RBFOX1: variants seen among roughly 807,000 people sequenced by gnomAD.
The protein encoded by RBFOX1 is RNA binding fox-1 homolog 1.
A neutral mutation model predicts 57.7 loss-of-function variants in RBFOX1; 8 were observed. That is an observed-to-expected ratio of 0.14 (90% CI 0.08 to 0.25). The LOEUF (loss-of-function observed/expected upper bound fraction) is 0.25, where lower values mean the gene tolerates loss of function less well. Ranked by LOEUF, RBFOX1 falls within the 10% of genes least tolerant of loss-of-function variation. The pLI, the probability that RBFOX1 is intolerant of heterozygous loss-of-function variation, is 1.00. For synonymous variants in RBFOX1, 326 were observed against 222.4 expected (o/e 1.47, Z -4.15); for missense variants, 611 against 548.5 (o/e 1.11, Z -1.14).
intron 1 of RBFOX1, among the ~76,000 whole-genome samples, chr16:5,325,860 G>T (rs1452211934): frequency 1.3e-5 from 2 of 152,070 alleles, no homozygotes; most frequent in African/African-American, 4.8e-5. Context: ...TCCGTTTTTG[G>T]CAATTTGAAA....
At chr16:6,702,608 G>C (rs114877886) in intron 3 of RBFOX1, among the ~76,000 whole-genome samples, 1 of 151,818 alleles carries the variant, frequency 6.6e-6, no homozygotes, top group African/African-American at 2.4e-5. Flanking sequence ...TTCCCAAAAA[G>C]TTCTGCTGAA....
At chr16:6,188,343 A>T (rs377312295) in intron 1 of RBFOX1, among the ~76,000 whole-genome samples, 228 of 151,150 alleles carry the variant, frequency 1.5e-3, no homozygotes, top group African/African-American at 4.5e-3. Context: ...AAAAAAAAAA[A>T]TTTTCTCCAG....
chr16:6,206,742 G>C (rs1007740189), intron 1 of RBFOX1, among the ~76,000 whole-genome samples: 1 of 152,116 alleles, frequency 6.6e-6, no homozygotes, highest in Non-Finnish European at 1.5e-5. Context: ...CATCAGACTA[G>C]CACAATATTA....
At chr16:6,145,094 T>A (rs187452793) in intron 1 of RBFOX1, among the ~76,000 whole-genome samples, 1 of 152,198 alleles carries the variant, frequency 6.6e-6, no homozygotes, top group East Asian at 1.9e-4. Flanking sequence ...CAGGTAAACT[T>A]GTGTCATGGG....
At chr16:6,575,621 G>T (rs1285962914) in intron 2 of RBFOX1, among the ~76,000 whole-genome samples, 1 of 152,114 alleles carries the variant, frequency 6.6e-6, no homozygotes, top group Admixed American at 6.5e-5. Context: ...ACTTTGGGAG[G>T]CCACGGTGGG....
chr16:5,702,064 A>C (rs1241760749), intron 3 of RBFOX1, among the ~76,000 whole-genome samples: 4 of 152,176 alleles, frequency 2.6e-5, no homozygotes, highest in Non-Finnish European at 4.4e-5. Context: ...AGTAGCTATC[A>C]GTGAGAAGGA....
At chr16:6,940,532 T>C (rs942586932) in intron 3 of RBFOX1, among the ~76,000 whole-genome samples, 1 of 152,122 alleles carries the variant, frequency 6.6e-6, no homozygotes, top group African/African-American at 2.4e-5. Context: ...TGAATGAAAT[T>C]CCTCTAAATC....
chr16:6,046,668 T>A (rs1049422552), intron 1 of RBFOX1, among the ~76,000 whole-genome samples: 13 of 152,226 alleles, frequency 8.5e-5, no homozygotes, highest in African/African-American at 3.1e-4. Flanking sequence ...GGATCCTTCT[T>A]GAAATCCATC....
intron 4 of RBFOX1, among the ~76,000 whole-genome samples, chr16:7,197,499 T>C (rs1183390912): frequency 6.8e-6 from 1 of 146,680 alleles, no homozygotes; most frequent in East Asian, 2.0e-4. Context: ...TCACAGATAG[T>C]GTAAAACTGT....
At chr16:5,963,144 G>A (rs1321206330) in intron 4 of RBFOX1, among the ~76,000 whole-genome samples, 3 of 152,206 alleles carry the variant, frequency 2.0e-5, no homozygotes, top group Non-Finnish European at 2.9e-5. Flanking sequence ...AAATCTGCAT[G>A]TTGATCTAAG....
At chr16:6,178,145 C>A (rs925419901) in intron 1 of RBFOX1, among the ~76,000 whole-genome samples, 2 of 149,508 alleles carry the variant, frequency 1.3e-5, no homozygotes, top group Non-Finnish European at 3.0e-5. Flanking sequence ...GGGGACCAGC[C>A]TGTGTCCTTG....
chr16:7,242,211 C>G (rs757852654), intron 4 of RBFOX1, among the ~76,000 whole-genome samples: 28 of 152,134 alleles, frequency 1.8e-4, no homozygotes, highest in Non-Finnish European at 4.0e-4. Context: ...AAACTACTGT[C>G]TCCTAGTTTA....
intron 3 of RBFOX1, among the ~76,000 whole-genome samples, chr16:5,833,290 G>A (rs1244605870): frequency 6.6e-6 from 1 of 151,942 alleles, no homozygotes; most frequent in African/African-American, 2.4e-5. Flanking sequence ...TCAGGAGATC[G>A]AGACCATCCT....
chr16:7,045,974 T>G (rs1290902551), intron 3 of RBFOX1, among the ~76,000 whole-genome samples: 1 of 152,140 alleles, frequency 6.6e-6, no homozygotes, highest in Non-Finnish European at 1.5e-5. Flanking sequence ...AACTTTTTAT[T>G]AATTAACGAA....
chr16:5,557,674 C>T (rs1316247727), intron 2 of RBFOX1, among the ~76,000 whole-genome samples: 3 of 152,154 alleles, frequency 2.0e-5, no homozygotes, highest in Non-Finnish European at 4.4e-5. Context: ...CTTAGAAACA[C>T]TTGTAGGCTT....
chr16:6,982,842 A>C (rs1015853831), intron 3 of RBFOX1, among the ~76,000 whole-genome samples: 1 of 151,924 alleles, frequency 6.6e-6, no homozygotes, highest in Non-Finnish European at 1.5e-5. Context: ...AAAATACAAA[A>C]ATTAGCTGGG....
intron 3 of RBFOX1, among the ~76,000 whole-genome samples, chr16:5,706,532 A>G (rs993298078): frequency 1.3e-5 from 2 of 152,176 alleles, no homozygotes; most frequent in African/African-American, 2.4e-5. Flanking sequence ...TTAAAAATTT[A>G]TCTTCTCTGG....
intron 4 of RBFOX1, among the ~76,000 whole-genome samples, chr16:7,410,399 C>T (rs993652302): frequency 1.8e-4 from 28 of 152,310 alleles, no homozygotes; most frequent in Admixed American, 6.5e-4. Context: ...ACTGCAGCCT[C>T]GGCTGAGCGT....
At chr16:7,365,192 A>C (rs1247771214) in intron 4 of RBFOX1, among the ~76,000 whole-genome samples, 1 of 152,176 alleles carries the variant, frequency 6.6e-6, no homozygotes, top group Non-Finnish European at 1.5e-5. Flanking sequence ...TCCTCTTTTT[A>C]ACCATAAACA....
Sources: gnomAD v4.1 joint callset for allele counts (sites outside exome capture counted in the v4.1 genomes callset) on GRCh38, gnomAD v4.1.1 for gene constraint, MANE v1.5 for transcripts, NCBI Gene and HGNC (gene_info 2026-07-23, HGNC 2026-07-21) for gene names.